GRID1: variants seen among roughly 807,000 people sequenced by gnomAD.
The protein encoded by GRID1 is glutamate receptor ionotropic, delta-1.
GRID1 carries 28 observed loss-of-function variants against 98.0 expected under a neutral mutation model. The ratio of observed to expected loss-of-function variants is 0.29; its 90% CI spans 0.21 to 0.39. GRID1 has a LOEUF of 0.39. Among genes scored for constraint, GRID1 ranks in the 10% least tolerant of loss-of-function variants. The pLI is 1.00. For synonymous variants in GRID1, 553 were observed against 538.5 expected, an observed-to-expected ratio of 1.03 and a Z score of -0.37; for missense variants, 1,111 against 1,340.5, an observed-to-expected ratio of 0.83 and a Z score of 2.67.
chr10:85,938,059 T>C (rs549713627), intron 4 of GRID1, among the ~76,000 whole-genome samples: 2 of 152,300 alleles, frequency 1.3e-5, no homozygotes, highest in South Asian at 2.1e-4. Flanking sequence ...TGACAAGCCT[T>C]TGAGCTTAAT....
intron 4 of GRID1, among the ~76,000 whole-genome samples, chr10:86,033,895 A>G (rs1389383862): frequency 6.6e-6 from 1 of 152,258 alleles, no homozygotes; most frequent in Admixed American, 6.5e-5. Context: ...AAGGATGCCA[A>G]TCAGAGGGTG....
At chr10:85,639,025 GTAGT>G (rs1297115326) in intron 13 of GRID1, among the ~76,000 whole-genome samples, 2 of 152,190 alleles carry the variant, frequency 1.3e-5, no homozygotes, top group South Asian at 2.1e-4. Context: ...CACATAGGAG[GTAGT>G]TAGACAGTTT....
intron 4 of GRID1, among the ~76,000 whole-genome samples, chr10:85,954,507 CA>C (rs906739336): frequency 6.6e-6 from 1 of 151,532 alleles, no homozygotes; most frequent in African/African-American, 2.4e-5. Context: ...TCCAGGCAAC[CA>C]AAAAAAGCCT....
chr10:85,621,220 G>C (rs1333686057), intron 13 of GRID1, among the ~76,000 whole-genome samples: 1 of 152,152 alleles, frequency 6.6e-6, no homozygotes, highest in Non-Finnish European at 1.5e-5. Context: ...ACACCCCTTT[G>C]CCGCTTCTTT....
intron 6 of GRID1, among the ~76,000 whole-genome samples, chr10:85,860,322 C>G: frequency 6.6e-6 from 1 of 152,022 alleles, no homozygotes; most frequent in Middle Eastern, 3.2e-3. Context: ...TTCCAGGAAC[C>G]AAAAAAGCAT....
At chr10:86,230,671 A>G (rs114160951) in intron 2 of GRID1, among the ~76,000 whole-genome samples, 1,556 of 152,286 alleles carry the variant, frequency 0.01, 31 homozygotes, top group African/African-American at 0.035. Context: ...CTCTATGTGC[A>G]TAAGTCTCCT....
At chr10:86,096,039 C>G (rs1844216783) in intron 4 of GRID1, among the ~76,000 whole-genome samples, 1 of 152,184 alleles carries the variant, frequency 6.6e-6, no homozygotes, top group Admixed American at 6.5e-5. Context: ...GAATTAACAA[C>G]ATTTGCAGTG....
At chr10:86,317,140 C>CT (rs1364303111) in intron 2 of GRID1, among the ~76,000 whole-genome samples, 1 of 152,218 alleles carries the variant, frequency 6.6e-6, no homozygotes, top group Non-Finnish European at 1.5e-5. Flanking sequence ...GAACTCCCCC[C>CT]GGACCTGCCC....
At chr10:86,020,057 A>G (rs1824378088) in intron 4 of GRID1, among the ~76,000 whole-genome samples, 1 of 152,344 alleles carries the variant, frequency 6.6e-6, no homozygotes, top group African/African-American at 2.4e-5. Context: ...GCCAAATTCA[A>G]TTTGTACCCA....
chr10:85,975,589 A>T (rs1471887893), intron 4 of GRID1, among the ~76,000 whole-genome samples: 5 of 152,228 alleles, frequency 3.3e-5, no homozygotes, highest in African/African-American at 1.2e-4. Context: ...AGAAAAGCTG[A>T]ATGGCCTCCC....
chr10:86,165,938 G>A (rs1275683174), intron 3 of GRID1, among the ~76,000 whole-genome samples: 1 of 152,202 alleles, frequency 6.6e-6, no homozygotes, highest in Non-Finnish European at 1.5e-5. Flanking sequence ...ATCGGAGGAG[G>A]CTCCGGTCAT....
At chr10:85,649,671 T>C (rs766191269) in intron 12 of GRID1, among the ~76,000 whole-genome samples, 1 of 152,120 alleles carries the variant, frequency 6.6e-6, no homozygotes, top group Non-Finnish European at 1.5e-5. Flanking sequence ...CCAAACACTG[T>C]TTCATCCCCA....
intron 4 of GRID1, among the ~76,000 whole-genome samples, chr10:86,071,467 C>T (rs1160545966): frequency 5.3e-5 from 8 of 152,356 alleles, no homozygotes; most frequent in South Asian, 2.1e-4. Context: ...ACAGGTGCAA[C>T]GTGATATAGC....
chr10:85,869,526 T>C (rs1843256002), intron 5 of GRID1, among the ~76,000 whole-genome samples: 1 of 152,310 alleles, frequency 6.6e-6, no homozygotes, highest in South Asian at 2.1e-4. Flanking sequence ...CTTTTGGGAG[T>C]CACCTACCTG....
At chr10:85,709,989 C>T (rs1004682963) in intron 12 of GRID1, among the ~76,000 whole-genome samples, 3 of 151,722 alleles carry the variant, frequency 2.0e-5, no homozygotes, top group South Asian at 2.1e-4. Context: ...ATTAAAGGCA[C>T]AAATAAATAG....
At chr10:86,013,538 G>C (rs1842944522) in intron 4 of GRID1, among the ~76,000 whole-genome samples, 1 of 152,268 alleles carries the variant, frequency 6.6e-6, no homozygotes, top group Non-Finnish European at 1.5e-5. Flanking sequence ...ACTTGTACAT[G>C]GTTATTGACC....
chr10:85,609,898 T>C (rs570530399), intron 15 of GRID1, among the ~76,000 whole-genome samples: 1 of 152,308 alleles, frequency 6.6e-6, no homozygotes, highest in Admixed American at 6.5e-5. Flanking sequence ...ATCCATGGAG[T>C]TTGGTGCATT....
chr10:85,780,984 T>C (rs1842376135), intron 8 of GRID1, among the ~76,000 whole-genome samples: 1 of 152,220 alleles, frequency 6.6e-6, no homozygotes, highest in Non-Finnish European at 1.5e-5. Flanking sequence ...ACCAGAGTGC[T>C]TGGAAACCCA....
intron 8 of GRID1, among the ~76,000 whole-genome samples, chr10:85,840,448 A>G (rs189986200): frequency 6.6e-6 from 1 of 152,180 alleles, no homozygotes; most frequent in Non-Finnish European, 1.5e-5. Flanking sequence ...GCGCTCTCTC[A>G]CCACTTCTAT....
Sources: allele counts gnomAD v4.1 joint callset (sites outside exome capture counted in the v4.1 genomes callset), GRCh38; gene constraint gnomAD v4.1.1; transcripts MANE v1.5; gene names NCBI Gene and HGNC (gene_info 2026-07-23, HGNC 2026-07-21).